Variants in ARHGEF26 observed in about 807,000 individuals in gnomAD.
The protein encoded by ARHGEF26 is Rho guanine nucleotide exchange factor (GEF) 26.
A neutral mutation model predicts 89.4 loss-of-function variants in ARHGEF26; 59 were observed. That is an observed-to-expected ratio of 0.66 (90% confidence interval 0.54 to 0.82). The LOEUF (loss-of-function observed/expected upper bound fraction) is 0.82, where lower values mean the gene tolerates loss of function less well. Ranked by LOEUF, ARHGEF26 falls within the 40% of genes least tolerant of loss-of-function variation. The probability of loss-of-function intolerance (pLI) is 0.00; values close to 1 mark genes in which losing one functional copy is unlikely to be tolerated. For synonymous variants in ARHGEF26, 500 were observed against 428.4 expected (o/e 1.17, Z -2.06); for missense variants, 1,234 against 1,085.6 (o/e 1.14, Z -1.92).
At chr3:154,240,984 A>G (rs754588029) in intron 12 of ARHGEF26, among the ~76,000 whole-genome samples, 1 of 152,250 alleles carries the variant, frequency 6.6e-6, no homozygotes, top group Admixed American at 6.5e-5. Context: ...TCAGTCACCT[A>G]CCTTCAACCA....
At chr3:154,222,056 C>T (rs1716166978) in intron 10 of ARHGEF26, among the ~76,000 whole-genome samples, 1 of 152,164 alleles carries the variant, frequency 6.6e-6, no homozygotes, top group Non-Finnish European at 1.5e-5. Flanking sequence ...TTATTAACTT[C>T]ACTTTATAGA....
intron 11 of ARHGEF26, among the ~76,000 whole-genome samples, chr3:154,227,611 A>G (rs1207216179): frequency 6.6e-6 from 1 of 152,188 alleles, no homozygotes; most frequent in Non-Finnish European, 1.5e-5. Flanking sequence ...TGGGAGAAGA[A>G]TTATAATTTT....
intron 6 of ARHGEF26, among the ~76,000 whole-genome samples, chr3:154,186,442 A>T (rs1236623472): frequency 1.5e-4 from 23 of 152,052 alleles, no homozygotes; most frequent in Admixed American, 1.5e-3. Flanking sequence ...GGTGACCCTA[A>T]ATTGCTATCT....
Position 154,121,924 on chromosome 3 carries a change from A to AACTTCTTTCCTC in ARHGEF26, c.-51-17_-51-6dup. The AACTTCTTTCCTC allele has an allele frequency of 6.6e-7, 1 of 1,511,374 alleles. No individual in the cohort carries two copies. Among genetic ancestry groups the AACTTCTTTCCTC allele is most frequent in the East Asian group, 2.3e-5 (1 of 43,732 alleles). 93.6% of individuals were successfully genotyped at this position (1,511,374 alleles called of 1,614,324 possible). A position where few individuals can be genotyped will look rare whatever the true frequency, so the allele number is the denominator to read the frequency against. On this transcript the variant is annotated splice_polypyrimidine_tract_variant and intron_variant, in intron 1 of 14. Transcript: ENST00000465093. ...CGGTTGTCCAGAGGCACAGTTTCCTAACTTCTTTCCTCTTTAGGCAAGACT... is the reference window on the plus strand; with the variant it reads ...CGGTTGTCCAGAGGCACAGTTTCCTAACTTCTTTCCTCACTTCTTTCCTCTTTAGGCAAGACT...
At chr3:154,204,445 A>G (rs1714877324) in intron 9 of ARHGEF26, among the ~76,000 whole-genome samples, 1 of 147,660 alleles carries the variant, frequency 6.8e-6, no homozygotes, top group Admixed American at 7.0e-5. Context: ...GGCGTATCTC[A>G]TGCCTCAGCC....
At chr3:154,203,450 T>C (rs1714790336) in intron 9 of ARHGEF26, among the ~76,000 whole-genome samples, 1 of 152,212 alleles carries the variant, frequency 6.6e-6, no homozygotes, top group Non-Finnish European at 1.5e-5. Flanking sequence ...TTTGATTTCT[T>C]CCTTCCAAAT....
intron 12 of ARHGEF26, among the ~76,000 whole-genome samples, chr3:154,248,986 A>C (rs908643515): frequency 6.6e-6 from 1 of 151,984 alleles, no homozygotes; most frequent in African/African-American, 2.4e-5. Context: ...TCACAATCCT[A>C]TTCTTTACAA....
chr3:154,148,618 T>C (rs1719827639), intron 4 of ARHGEF26, among the ~76,000 whole-genome samples: 1 of 152,142 alleles, frequency 6.6e-6, no homozygotes, highest in South Asian at 2.1e-4. Flanking sequence ...GCATGGAAAT[T>C]CTTGCTGGTG....
intron 9 of ARHGEF26, among the ~76,000 whole-genome samples, chr3:154,208,439 C>T (rs1053209495): frequency 2.0e-5 from 3 of 152,066 alleles, no homozygotes; most frequent in African/African-American, 7.2e-5. Context: ...GTTAAATTTG[C>T]TTGGCGTTCT....
intron 5 of ARHGEF26, among the ~76,000 whole-genome samples, chr3:154,150,127 C>T (rs990723679): frequency 9.5e-6 from 1 of 105,416 alleles, no homozygotes; most frequent in Non-Finnish European, 1.9e-5. Flanking sequence ...ACAAAGGACC[C>T]AAGGATGTCC....
In ARHGEF26 at chr3:154,257,374, AAAGAGAGGCTATC is replaced by A. The variant is rs147148669; in HGVS notation, c.*1905_*1917del. ...CTTTAATAATGTCACAGACTTTTTA[AAAGAGAGGCTATC>A]AAGTTGTAATATAATCTGTCATGTT... On this transcript the variant is annotated 3_prime_UTR_variant, in exon 15 of 15. Coordinates refer to ENST00000465093, the MANE Select transcript of ARHGEF26 (RefSeq NM_015595.4). 3.3e-5 allele frequency: 5 copies of A among 153,832 alleles called. No homozygotes were observed. Among genetic ancestry groups the A allele is most frequent in the African/African-American group, 1.2e-4 (5 of 41,666 alleles). The allele number at this position is 153,832 out of a possible 1,614,324, so 9.5% of individuals were successfully genotyped here.
chr3:154,216,510 T>TA (rs1715753305), intron 9 of ARHGEF26, among the ~76,000 whole-genome samples: 1 of 6,232 alleles, frequency 1.6e-4, no homozygotes, highest in African/African-American at 3.4e-4. Context: ...TTATTTTTTA[T>TA]TTTTTTTTTA....
chr3:154,254,518 A>G (rs1297346741), intron 13 of ARHGEF26, among the ~76,000 whole-genome samples: 1 of 152,216 alleles, frequency 6.6e-6, no homozygotes, highest in Non-Finnish European at 1.5e-5. Flanking sequence ...AGGCCTCTCA[A>G]ATCTGAGCTT....
chr3:154,122,881 G>A lies in ARHGEF26; in HGVS notation c.889G>A (p.Glu297Lys). 6.2e-7 allele frequency: 1 copy of A among 1,612,970 alleles called. No individual in the cohort carries two copies. The highest frequency in any genetic ancestry group is 1.1e-5 in the South Asian group (1 of 90,732). Residue 297 changes from glutamate (E) to lysine (K), a missense_variant, in exon 2 of 15, where the codon GAG becomes AAG. Transcript: ENST00000465093. ...CCTGGGTCACGCAGGGGAGGAGAGT[G>A]AGGTCGATAACGACGTGGATAGCCC... ...GPLGHAGEES[E>K]VDNDVDSPGS... is the part of the protein sequence containing the mutation.
intron 6 of ARHGEF26, among the ~76,000 whole-genome samples, chr3:154,175,756 T>C (rs555898641): frequency 9.9e-5 from 15 of 152,166 alleles, no homozygotes; most frequent in African/African-American, 3.4e-4. Context: ...ATTGGCACTG[T>C]ATGTTTTGTT....
At chr3:154,169,285 A>G (rs1315504422) in intron 6 of ARHGEF26, among the ~76,000 whole-genome samples, 8 of 152,240 alleles carry the variant, frequency 5.3e-5, no homozygotes, top group Non-Finnish European at 4.4e-5. Context: ...CCATATTTGC[A>G]AATTTACCTA....
At chr3:154,249,637 G>T (rs1216380031) in intron 12 of ARHGEF26, among the ~76,000 whole-genome samples, 1 of 152,148 alleles carries the variant, frequency 6.6e-6, no homozygotes, top group Non-Finnish European at 1.5e-5. Flanking sequence ...AAAAGCAAGG[G>T]ACTCCAGTGT....
chr3:154,176,520 C>T (rs1274862967), intron 6 of ARHGEF26, among the ~76,000 whole-genome samples: 2 of 152,182 alleles, frequency 1.3e-5, no homozygotes, highest in African/African-American at 4.8e-5. Flanking sequence ...CAGCATCCTT[C>T]ACAAGCAATG....
chr3:154,218,414 C>G (rs1394080580), intron 10 of ARHGEF26, among the ~76,000 whole-genome samples: 1 of 151,966 alleles, frequency 6.6e-6, no homozygotes, highest in Non-Finnish European at 1.5e-5. Context: ...GTTTGTTTTT[C>G]TCTCATAATT....
Sources: allele counts gnomAD v4.1 joint callset (sites outside exome capture counted in the v4.1 genomes callset), GRCh38; gene constraint gnomAD v4.1.1; transcripts MANE v1.5; gene names NCBI Gene and HGNC (gene_info 2026-07-23, HGNC 2026-07-21).